The following GANC variants were observed in gnomAD, a reference collection of about 807,000 sequenced individuals.
The protein encoded by GANC is glucosidase alpha, neutral C.
Under a neutral mutation model 124.2 loss-of-function variants are expected in GANC, and 117 were observed. The observed-to-expected ratio is 0.94, with a 90% CI of 0.81 to 1.10. GANC has a LOEUF of 1.10. GANC is among the 50% of genes least tolerant of loss of function. GANC has a pLI of 0.00. For missense variants in GANC, 1,140 were observed against 1,095.0 expected, an observed-to-expected ratio of 1.04 and a Z score of -0.58; for synonymous variants, 377 against 376.8, an observed-to-expected ratio of 1.00 and a Z score of -0.01.
intron 6 of GANC, among the ~76,000 whole-genome samples, chr15:42,301,162 G>A (rs888076859): frequency 6.6e-6 from 1 of 152,178 alleles, no homozygotes; most frequent in African/African-American, 2.4e-5. Context: ...GAAGTGCCCT[G>A]ACTCATCTCA....
At chr15:42,318,815 C>CAGG (rs1357695944) in intron 10 of GANC, among the ~76,000 whole-genome samples, 3 of 152,114 alleles carry the variant, frequency 2.0e-5, no homozygotes, top group African/African-American at 7.2e-5. Context: ...TTTTAAAACC[C>CAGG]TAGGCTCAAG....
Position 42,308,258 on chromosome 15 carries a change from G to A in GANC, c.662G>A (p.Gly221Glu). The A allele has an allele frequency of 1.2e-6, 2 of 1,609,256 alleles. No homozygotes were observed. Among genetic ancestry groups the A allele is most frequent in the Non-Finnish European group, 1.7e-6 (2 of 1,176,486 alleles). The change falls in exon 8 of 24, where the codon GGA becomes GAA. Residue 221 changes from glycine to glutamate, a missense_variant. By Grantham distance (98) the Gly-to-Glu change is moderately conservative (BLOSUM62 -2). Coordinates refer to ENST00000318010, the MANE Select transcript of GANC (RefSeq NM_198141.3). ...ATTGGTTTGGATTTCTCCTTGCATGGATTTGAGCATCTTTATGGGATCCCA... is the reference window on the plus strand; with the variant it reads ...ATTGGTTTGGATTTCTCCTTGCATGAATTTGAGCATCTTTATGGGATCCCA... The part of the protein sequence containing the change: ...SSIGLDFSLH[G>E]FEHLYGIPQH...
At chr15:42,309,071 A>G (rs1282063911) in intron 8 of GANC, among the ~76,000 whole-genome samples, 1 of 152,228 alleles carries the variant, frequency 6.6e-6, no homozygotes, top group Non-Finnish European at 1.5e-5. Flanking sequence ...TAGTTTCCTC[A>G]GGGATATCAT....
chr15:42,292,882 A>G lies in GANC; in HGVS notation c.477A>G (p.Leu159=). The G allele has an allele frequency of 6.2e-7, 1 of 1,614,138 alleles. No individual in the cohort carries two copies. The highest frequency in any genetic ancestry group is 8.5e-7 in the Non-Finnish European group (1 of 1,179,966). Residue 159 remains leucine, a synonymous_variant, in exon 5 of 24, where the codon TTA becomes TTG. Transcript: ENST00000318010. ...TTAGCATAAATTCCCTGGGCCAATT[A>G]TACTTTGAGCATCTACAGATTCTTC... ...VVISINSLGQ[L]YFEHLQILHK...
At chr15:42,298,079 A>G (rs981330512) in intron 6 of GANC, among the ~76,000 whole-genome samples, 9 of 152,218 alleles carry the variant, frequency 5.9e-5, no homozygotes, top group African/African-American at 2.2e-4. Context: ...GGGTCAGGAA[A>G]GACCTTCTGA....
intron 23 of GANC, 58 bp from the exon 24 acceptor site, chr15:42,351,972 G>T: frequency 6.2e-7 from 1 of 1,600,162 alleles, no homozygotes; most frequent in East Asian, 2.2e-5. Flanking sequence ...TTGGAGAAAA[G>T]ACTTTTCCCT....
intron 8 of GANC, 81 bp downstream of exon 8, chr15:42,308,399 C>A: frequency 1.1e-6 from 1 of 919,942 alleles, no homozygotes; most frequent in Non-Finnish European, 1.8e-6. Flanking sequence ...GCTGTCTGAG[C>A]CAGTGCTAAT....
chr15:42,318,635 G>A (rs1421310122), intron 10 of GANC, among the ~76,000 whole-genome samples: 1 of 152,178 alleles, frequency 6.6e-6, no homozygotes, highest in African/African-American at 2.4e-5. Context: ...TGCCCAGGTT[G>A]GAGTGCAGTG....
Position 42,273,346 on chromosome 15 carries a change from C to G in GANC, c.-1136C>G. The G allele has an allele frequency of 6.2e-7, 1 of 1,614,106 alleles. No individual in the cohort carries two copies. The highest frequency in any genetic ancestry group is 1.6e-4 in the Middle Eastern group (1 of 6,062). On this transcript the variant is annotated 5_prime_UTR_variant, in exon 1 of 24. Transcript: ENST00000318010. ...AAACGACAGTGGTGACGGGTGAGCT[C>G]CCAGAAGCAGAAGAATGACAGGCAA... is the stretch of plus-strand genomic sequence containing the variant.
intron 18 of GANC, among the ~76,000 whole-genome samples, chr15:42,341,810 C>A (rs1429554891): frequency 6.6e-6 from 1 of 152,104 alleles, no homozygotes; most frequent in Non-Finnish European, 1.5e-5. Context: ...GTGATCCACC[C>A]ACCTCGGCCT....
chr15:42,273,239 T>A lies in GANC; in HGVS notation c.-1243T>A. ...TTGCTCCTCTAGGTTCAGACGTTAG[T>A]GAAGTGAATACTCACCGACGGTATC... On this transcript the variant is annotated 5_prime_UTR_variant, in exon 1 of 24. Transcript: ENST00000318010. 1 of 1,613,176 alleles carries A rather than the reference T, an allele frequency of 6.2e-7. No individual in the cohort carries two copies. Among genetic ancestry groups the A allele is most frequent in the Non-Finnish European group, 8.5e-7 (1 of 1,179,334 alleles).
At chr15:42,279,255 T>C (rs1033662628) in intron 3 of GANC, among the ~76,000 whole-genome samples, 1 of 152,186 alleles carries the variant, frequency 6.6e-6, no homozygotes, top group African/African-American at 2.4e-5. Context: ...ACCAAAATTT[T>C]CTCCTGCATC....
chr15:42,340,257 T>C (rs1455072297), intron 17 of GANC, among the ~76,000 whole-genome samples: 1 of 152,198 alleles, frequency 6.6e-6, no homozygotes, highest in Non-Finnish European at 1.5e-5. Context: ...TTTGCCAGGC[T>C]TAGGCTTGAA....
chr15:42,309,232 G>A (rs778695937), intron 8 of GANC, among the ~76,000 whole-genome samples: 3 of 152,098 alleles, frequency 2.0e-5, no homozygotes, highest in Admixed American at 6.5e-5. Context: ...AAACTGTGCT[G>A]CTCTCACACT....
chr15:42,344,628 C>G (rs1392380920), intron 19 of GANC: 4 of 152,224 alleles, frequency 2.6e-5, no homozygotes, highest in Non-Finnish European at 4.4e-5. Context: ...AACCAGGCTT[C>G]TCTCCAGAAT....
intron 11 of GANC, among the ~76,000 whole-genome samples, chr15:42,323,016 TTCCC>T (rs1467132314): frequency 1.3e-5 from 2 of 152,174 alleles, no homozygotes; most frequent in Non-Finnish European, 2.9e-5. Context: ...AACTCCTAAT[TTCCC>T]AATTAATAAA....
At chr15:42,282,105 G>A (rs1219199891) in intron 3 of GANC, among the ~76,000 whole-genome samples, 4 of 152,250 alleles carry the variant, frequency 2.6e-5, no homozygotes, top group South Asian at 4.1e-4. Context: ...GGCAGATCAC[G>A]AGGTCAGGAG....
chr15:42,285,718 C>T (rs986495776), intron 3 of GANC, among the ~76,000 whole-genome samples: 1 of 152,116 alleles, frequency 6.6e-6, no homozygotes, highest in African/African-American at 2.4e-5. Flanking sequence ...TCTCTTGAAC[C>T]TAGGAGGCGG....
At chr15:42,340,052 T>C in intron 17 of GANC, 140 bp downstream of exon 17, 1 of 1,189,684 alleles carries the variant, frequency 8.4e-7, no homozygotes, top group Non-Finnish European at 1.2e-6. Flanking sequence ...TTCAATAAGC[T>C]TATTGAGCAG....
Sources: gnomAD v4.1 joint callset for allele counts (sites outside exome capture counted in the v4.1 genomes callset) on GRCh38, gnomAD v4.1.1 for gene constraint, MANE v1.5 for transcripts, NCBI Gene and HGNC (gene_info 2026-07-23, HGNC 2026-07-21) for gene names.